SPAG16: variants seen among roughly 807,000 people sequenced by gnomAD.
SPAG16 encodes the protein sperm associated antigen 16.
Under a neutral mutation model 80.4 loss-of-function variants are expected in SPAG16, and 86 were observed. The observed-to-expected ratio is 1.07, with a 90% CI of 0.90 to 1.28. SPAG16 has a LOEUF of 1.28. SPAG16 is among the 50% of genes most tolerant of loss of function. The probability of loss-of-function intolerance (pLI) is 0.00; values close to 1 mark genes in which losing one functional copy is unlikely to be tolerated. For synonymous variants in SPAG16, 294 were observed against 265.9 expected (o/e 1.11, Z -1.03); for missense variants, 870 against 765.3 (o/e 1.14, Z -1.61).
intron 9 of SPAG16, among the ~76,000 whole-genome samples, chr2:213,386,909 C>G (rs1243055882): frequency 6.6e-6 from 1 of 152,032 alleles, no homozygotes; most frequent in African/African-American, 2.4e-5. Context: ...GAAATAAGAG[C>G]CATTATGCAA....
intron 14 of SPAG16, among the ~76,000 whole-genome samples, chr2:214,120,948 C>T (rs1041637865): frequency 6.6e-6 from 1 of 151,710 alleles, no homozygotes. Flanking sequence ...ATGAAACTTG[C>T]TTTCCCATAA....
intron 15 of SPAG16, among the ~76,000 whole-genome samples, chr2:214,394,147 T>C (rs1032682385): frequency 1.3e-5 from 2 of 152,174 alleles, no homozygotes; most frequent in African/African-American, 2.4e-5. Context: ...GCATCTCTCT[T>C]TGTCTCTGTC....
rs755245468 is a variant in SPAG16 at position 214,374,454 on chromosome 2, TAAA to T, written c.1721-35683_1721-35681del. Among the ~76,000 whole-genome samples, 24 of 152,298 alleles carry T rather than the reference TAAA, an allele frequency of 1.6e-4. No homozygotes were observed. The East Asian group carries it at 4.6e-3, about 29-fold the overall frequency. ...GAACCTCTCGATATTTCATGAAAAA[TAAA>T]AAGTATGCCTGTTCACATTCATCCT... On this transcript the variant is annotated intron_variant, in intron 15 of 15. Coordinates refer to ENST00000331683, the MANE Select transcript of SPAG16 (RefSeq NM_024532.5).
At chr2:214,234,074 T>TA (rs1688901830) in intron 15 of SPAG16, among the ~76,000 whole-genome samples, 1 of 151,238 alleles carries the variant, frequency 6.6e-6, no homozygotes. Context: ...ATGTGTTGTT[T>TA]CCCCCCCCAT....
At chr2:213,584,980 G>C (rs1204196829) in intron 10 of SPAG16, among the ~76,000 whole-genome samples, 2 of 152,036 alleles carry the variant, frequency 1.3e-5, no homozygotes, top group African/African-American at 4.8e-5. Flanking sequence ...CCTGAGGTTA[G>C]GAGTTCAAGA....
intron 12 of SPAG16, among the ~76,000 whole-genome samples, chr2:213,990,030 C>T (rs560770530): frequency 6.6e-6 from 1 of 152,122 alleles, no homozygotes; most frequent in South Asian, 2.1e-4. Context: ...TGAGTGATTT[C>T]AGAAAGGATC....
intron 6 of SPAG16, among the ~76,000 whole-genome samples, chr2:213,348,114 A>G (rs1007335761): frequency 7.9e-5 from 12 of 152,198 alleles, no homozygotes; most frequent in African/African-American, 2.6e-4. Flanking sequence ...CTCTTGTCAA[A>G]TTGATCCCTT....
At chr2:214,103,094 C>G (rs1427881300) in intron 13 of SPAG16, among the ~76,000 whole-genome samples, 1 of 152,078 alleles carries the variant, frequency 6.6e-6, no homozygotes, top group South Asian at 2.1e-4. Context: ...TTCCTTTCTC[C>G]AGTGGCATGT....
intron 10 of SPAG16, among the ~76,000 whole-genome samples, chr2:213,762,807 C>T (rs1444602659): frequency 6.6e-6 from 1 of 152,170 alleles, no homozygotes; most frequent in Non-Finnish European, 1.5e-5. Context: ...TAAAAAGCTT[C>T]TGTACAACAA....
chr2:214,145,119 T>C (rs573141094), intron 14 of SPAG16, among the ~76,000 whole-genome samples: 1 of 152,194 alleles, frequency 6.6e-6, no homozygotes, highest in Non-Finnish European at 1.5e-5. Context: ...ATTTTAATTA[T>C]TTATTTAAAT....
At chr2:213,314,238 T>C (rs2063315106) in intron 4 of SPAG16, among the ~76,000 whole-genome samples, 4 of 151,936 alleles carry the variant, frequency 2.6e-5, no homozygotes, top group Admixed American at 1.3e-4. Flanking sequence ...TAATGCAGTT[T>C]TATTAGTGAT....
chr2:214,042,250 T>C (rs1487511503), intron 13 of SPAG16, among the ~76,000 whole-genome samples: 1 of 151,642 alleles, frequency 6.6e-6, no homozygotes, highest in Non-Finnish European at 1.5e-5. Context: ...TGCATCACCA[T>C]GCCCAGCTAA....
intron 11 of SPAG16, among the ~76,000 whole-genome samples, chr2:213,903,868 A>G (rs921732514): frequency 6.6e-6 from 1 of 152,208 alleles, no homozygotes. Context: ...ACTCTAAATC[A>G]TCTCTCTCAA....
intron 1 of SPAG16, among the ~76,000 whole-genome samples, chr2:213,286,595 G>T (rs1014446648): frequency 1.3e-5 from 2 of 152,158 alleles, no homozygotes; most frequent in African/African-American, 2.4e-5. Context: ...GAGCTATCAT[G>T]GTGGGTAAAT....
chr2:213,981,546 C>T (rs570521688), intron 12 of SPAG16, among the ~76,000 whole-genome samples: 2 of 151,966 alleles, frequency 1.3e-5, no homozygotes, highest in South Asian at 2.1e-4. Context: ...AGGTTCAAAA[C>T]GTTTTTAAAG....
At chr2:213,312,635 C>T (rs938692795) in intron 4 of SPAG16, among the ~76,000 whole-genome samples, 2 of 151,556 alleles carry the variant, frequency 1.3e-5, no homozygotes, top group Non-Finnish European at 3.0e-5. Flanking sequence ...CCAGTTTGGC[C>T]TATTCGCACC....
At chr2:213,745,245 TA>T in intron 10 of SPAG16, among the ~76,000 whole-genome samples, 1 of 152,312 alleles carries the variant, frequency 6.6e-6, no homozygotes, top group Non-Finnish European at 1.5e-5. Context: ...TGTAGCTATT[TA>T]TTTTTTTTCT....
intron 9 of SPAG16, among the ~76,000 whole-genome samples, chr2:213,421,843 G>A (rs961838196): frequency 1.3e-5 from 2 of 151,978 alleles, no homozygotes; most frequent in Admixed American, 1.3e-4. Flanking sequence ...TCATCAGGAC[G>A]ACCTGCCCGC....
chr2:213,458,601 G>A (rs1000641046), intron 9 of SPAG16, among the ~76,000 whole-genome samples: 1 of 152,008 alleles, frequency 6.6e-6, no homozygotes, highest in Non-Finnish European at 1.5e-5. Context: ...ATTCCTAAAT[G>A]TAAGCCTATT....
Sources: gnomAD v4.1 joint callset for allele counts (sites outside exome capture counted in the v4.1 genomes callset) on GRCh38, gnomAD v4.1.1 for gene constraint, MANE v1.5 for transcripts, NCBI Gene and HGNC (gene_info 2026-07-23, HGNC 2026-07-21) for gene names.